The following AP4E1 variants were observed in gnomAD, a reference collection of about 807,000 sequenced individuals.
AP4E1 encodes adaptor related protein complex 4 subunit epsilon 1, also known as AP-4 complex subunit epsilon-1.
Under a neutral mutation model 128.2 loss-of-function variants are expected in AP4E1, and 56 were observed. The ratio of observed to expected loss-of-function variants is 0.44; its 90% CI spans 0.35 to 0.55. The LOEUF (loss-of-function observed/expected upper bound fraction) is 0.55. AP4E1 is among the 20% of genes least tolerant of loss of function. The pLI is 0.00. For missense variants in AP4E1, 1,324 were observed against 1,307.7 expected (o/e 1.01, Z -0.19); for synonymous variants, 484 against 473.1 (o/e 1.02, Z -0.30).
chr15:50,959,251 A>C (rs1194892976), intron 14 of AP4E1, among the ~76,000 whole-genome samples: 2 of 152,110 alleles, frequency 1.3e-5, no homozygotes, highest in East Asian at 3.9e-4. Flanking sequence ...GATCTTCACC[A>C]AAGCACATTA....
intron 15 of AP4E1, among the ~76,000 whole-genome samples, chr15:50,982,697 A>G (rs536519490): frequency 2.0e-5 from 2 of 101,494 alleles, no homozygotes; most frequent in African/African-American, 6.6e-5. Context: ...GCCCATCATT[A>G]TTATTTTTTT....
chr15:50,954,010 A>C (rs1489277249), intron 13 of AP4E1, among the ~76,000 whole-genome samples: 1 of 152,186 alleles, frequency 6.6e-6, no homozygotes, highest in African/African-American at 2.4e-5. Flanking sequence ...TTTCGGATTC[A>C]GGCATCCACA....
chr15:50,968,066 C>CA, intron 14 of AP4E1, among the ~76,000 whole-genome samples, 197 bp from the exon 15 acceptor site: 1 of 152,152 alleles, frequency 6.6e-6, no homozygotes, highest in South Asian at 2.1e-4. Flanking sequence ...GTGATCCGCC[C>CA]ATTTCAGCCT....
chr15:50,936,656 C>T (rs2063911780), intron 8 of AP4E1, among the ~76,000 whole-genome samples: 2 of 152,126 alleles, frequency 1.3e-5, no homozygotes, highest in South Asian at 4.1e-4. Flanking sequence ...GATTGCTTGG[C>T]CAGGCATGGT....
At chr15:50,930,670 A>G in intron 6 of AP4E1, 135 bp from the exon 7 acceptor site, 1 of 877,948 alleles carries the variant, frequency 1.1e-6, no homozygotes, top group South Asian at 1.6e-5. Context: ...TATTATACAT[A>G]TTAGAGCACT....
At chr15:50,915,882 A>G (rs1019556161) in intron 3 of AP4E1, 7 of 272,100 alleles carry the variant, frequency 2.6e-5, no homozygotes, top group Admixed American at 1.0e-4. Flanking sequence ...TTATATGTCT[A>G]TAAAGCTGAC....
chr15:50,968,410 T>A, intron 15 of AP4E1, 33 bp downstream of exon 15: 1 of 1,445,540 alleles, frequency 6.9e-7, no homozygotes, highest in Non-Finnish European at 9.6e-7. Flanking sequence ...TAAGCTAGAG[T>A]GTAGGGATGT....
At chr15:50,942,777 T>C (rs1288266055) in intron 10 of AP4E1, among the ~76,000 whole-genome samples, 1 of 151,364 alleles carries the variant, frequency 6.6e-6, no homozygotes, top group Non-Finnish European at 1.5e-5. Context: ...TATATAAATA[T>C]TCCTTTTAAT....
rs1422868675 is a variant in AP4E1 at position 50,925,183 on chromosome 15, T to C, written c.506T>C (p.Val169Ala). The C allele has an allele frequency of 6.2e-7, 1 of 1,613,718 alleles. No individual in the cohort carries two copies. The highest frequency in any genetic ancestry group is 8.5e-7 in the Non-Finnish European group (1 of 1,179,618). The change falls in exon 5 of 21, where the codon GTT becomes GCT. Residue 169 changes from valine to alanine, a missense_variant. Physicochemically the swap from Val to Ala is moderately conservative, Grantham distance 64. Transcript: ENST00000261842. The part of the protein sequence containing the change: ...QIFPCEMIPA[V>A]LPLIEDKLQH... ...TTCCCCTGCGAAATGATTCCAGCTG[T>C]TCTTCCATTAATAGAAGATAAACTT...
intron 15 of AP4E1, among the ~76,000 whole-genome samples, chr15:50,976,201 T>C (rs1235810103): frequency 6.6e-6 from 1 of 152,280 alleles, no homozygotes; most frequent in Middle Eastern, 3.4e-3. Context: ...GTGGGATTTA[T>C]CCTAGGGATC....
In AP4E1 at chr15:50,963,970, A is replaced by G. The variant is rs200321866; in HGVS notation, c.1852-4293A>G. On this transcript the variant is annotated intron_variant, in intron 14 of 20. Transcript: ENST00000261842. ...CTATTTAGAATCAGTACTGGATTAC[A>G]GGCGTGAGCCACCACTCCTGGCCAG... 2.0e-5 allele frequency among the ~76,000 whole-genome samples: 3 copies of G among 152,348 alleles called. No homozygotes were observed. In the East Asian group the frequency reaches 5.8e-4, roughly 29 times the overall value.
chr15:50,945,528 T>C, intron 10 of AP4E1: 1 of 743,958 alleles, frequency 1.3e-6, no homozygotes, highest in Non-Finnish European at 2.5e-6. Context: ...TTGACATGGA[T>C]TACCCTCCCA....
At chr15:50,944,358 AC>A (rs1470660962) in intron 10 of AP4E1, among the ~76,000 whole-genome samples, 1 of 152,026 alleles carries the variant, frequency 6.6e-6, no homozygotes, top group Non-Finnish European at 1.5e-5. Flanking sequence ...AATAGAAAAG[AC>A]CTCTGGCAAT....
chr15:50,940,044 G>C (rs1003372437), intron 8 of AP4E1, among the ~76,000 whole-genome samples: 5 of 152,068 alleles, frequency 3.3e-5, no homozygotes, highest in African/African-American at 9.7e-5. Flanking sequence ...GCTGGATTTA[G>C]TGGCATTTTA....
At chr15:50,965,121 G>A (rs74013114) in intron 14 of AP4E1, among the ~76,000 whole-genome samples, 3,502 of 152,132 alleles carry the variant, frequency 0.023, 155 homozygotes, top group African/African-American at 0.08. Context: ...TTCTTGTACA[G>A]CCTGCAGATC....
intron 11 of AP4E1, among the ~76,000 whole-genome samples, chr15:50,948,972 CAAAA>C (rs769031147): frequency 1.4e-5 from 1 of 70,508 alleles, no homozygotes; most frequent in Non-Finnish European, 3.1e-5. Flanking sequence ...AACTCCGTCT[CAAAA>C]AAAAAAAAAA....
At chr15:50,938,825 C>T (rs1170280905) in intron 8 of AP4E1, among the ~76,000 whole-genome samples, 4 of 152,168 alleles carry the variant, frequency 2.6e-5, no homozygotes, top group Non-Finnish European at 5.9e-5. Flanking sequence ...AACCAGGAGC[C>T]TCTCCATCCC....
chr15:50,965,926 T>C lies in AP4E1; in HGVS notation c.1852-2337T>C, dbSNP rs148049943. Among the ~76,000 whole-genome samples, 310 of 150,944 alleles carry C rather than the reference T, an allele frequency of 2.1e-3. 2 individuals carry two copies. Among genetic ancestry groups the C allele is most frequent in the African/African-American group, 6.8e-3 (279 of 41,274 alleles). On this transcript the variant is annotated intron_variant, in intron 14 of 20. Coordinates refer to ENST00000261842, the MANE Select transcript of AP4E1 (RefSeq NM_007347.5). ...TCAGGTGTAAATTAGAAAACTTTCT[T>C]TTTTTTTTTGAGACGGAGTCTCGCT...
chr15:51,002,848 T>A lies in AP4E1; in HGVS notation c.*186T>A. ...CAAAACTGTATCCCTAACCTTTAACTCAGGATTGTACAGTATGTTTAGGTC... is the reference window on the plus strand; with the variant it reads ...CAAAACTGTATCCCTAACCTTTAACACAGGATTGTACAGTATGTTTAGGTC... On this transcript the variant is annotated 3_prime_UTR_variant, in exon 21 of 21. Coordinates refer to ENST00000261842, the MANE Select transcript of AP4E1 (RefSeq NM_007347.5). 2 of 722,392 alleles carry A rather than the reference T, an allele frequency of 2.8e-6. No homozygotes were observed. Among genetic ancestry groups the A allele is most frequent in the Non-Finnish European group, 4.5e-6 (2 of 439,612 alleles). The allele number at this position is 722,392 out of a possible 1,614,324, so 44.7% of individuals were successfully genotyped here.
Sources: gnomAD v4.1 joint callset for allele counts (sites outside exome capture counted in the v4.1 genomes callset) on GRCh38, gnomAD v4.1.1 for gene constraint, MANE v1.5 for transcripts, NCBI Gene and HGNC (gene_info 2026-07-23, HGNC 2026-07-21) for gene names.